The following LUC7L3 variants were observed in gnomAD, a reference collection of about 807,000 sequenced individuals.
LUC7L3 encodes the protein luc7-like protein 3.
Under a neutral mutation model 66.8 loss-of-function variants are expected in LUC7L3, and 6 were observed. The ratio of observed to expected loss-of-function variants is 0.09; its 90% CI spans 0.05 to 0.18. LUC7L3 has a LOEUF of 0.18. LUC7L3 is among the 10% of genes least tolerant of loss of function. The probability of loss-of-function intolerance (pLI) is 1.00; values close to 1 mark genes in which losing one functional copy is unlikely to be tolerated. For missense variants in LUC7L3, 341 were observed against 531.1 expected (o/e 0.64, Z 3.52); for synonymous variants, 160 against 174.7 (o/e 0.92, Z 0.66).
chr17:50,745,454 G>A (rs181298008), intron 7 of LUC7L3, among the ~76,000 whole-genome samples: 4 of 152,258 alleles, frequency 2.6e-5, no homozygotes, highest in Admixed American at 2.0e-4. Flanking sequence ...TTGAAGCATT[G>A]TGAGTTCTGT....
At chr17:50,734,475 T>G (rs971326864) in intron 1 of LUC7L3, among the ~76,000 whole-genome samples, 11 of 152,100 alleles carry the variant, frequency 7.2e-5, no homozygotes, top group African/African-American at 2.7e-4. Flanking sequence ...CCTTTAAAAC[T>G]TTTATTATGT....
chr17:50,727,494 A>G (rs1969271349), intron 1 of LUC7L3, among the ~76,000 whole-genome samples: 1 of 152,152 alleles, frequency 6.6e-6, no homozygotes, highest in African/African-American at 2.4e-5. Context: ...GACCAAAGAA[A>G]CCACATCCAA....
At chr17:50,746,347 C>T (rs1970666246) in intron 8 of LUC7L3, among the ~76,000 whole-genome samples, 195 bp from the exon 9 acceptor site, 1 of 152,114 alleles carries the variant, frequency 6.6e-6, no homozygotes, top group Non-Finnish European at 1.5e-5. Flanking sequence ...TTAAAGAGCA[C>T]AACGATAACC....
chr17:50,726,380 C>T lies in LUC7L3; in HGVS notation c.99+6549C>T, dbSNP rs143556237. 6.0e-3 allele frequency among the ~76,000 whole-genome samples: 911 copies of T among 152,206 alleles called. 5 individuals carry two copies. The highest frequency in any genetic ancestry group is 9.0e-3 in the Non-Finnish European group (614 of 68,004). On this transcript the variant is annotated intron_variant, in intron 1 of 9. Transcript: ENST00000505658. ...AGAGATGGGGTTTTGTCATGTTGGC[C>T]AGGCTGGGCTCGAACTCCTGGCCTT... is the stretch of plus-strand genomic sequence containing the variant.
intron 1 of LUC7L3, chr17:50,721,942 A>G (rs1006195952): frequency 3.3e-4 from 50 of 151,966 alleles, no homozygotes; most frequent in African/African-American, 1.2e-3. Flanking sequence ...ATACCAAAAT[A>G]AGGAAAGGAA....
chr17:50,740,325 T>C lies in LUC7L3; in HGVS notation c.186T>C (p.His62=). The C allele has an allele frequency of 6.2e-7, 1 of 1,607,830 alleles. No homozygotes were observed. The highest frequency in any genetic ancestry group is 1.1e-5 in the South Asian group (1 of 89,364). Residue 62 remains histidine (H), a synonymous_variant, in exon 3 of 10, where the codon CAT becomes CAC. Coordinates refer to ENST00000505658, the MANE Select transcript of LUC7L3 (RefSeq NM_016424.5). ...CCCCAGGTCCGTGTGAAAAAATTCA[T>C]GATGAAAATCTACGAAAACAGTAAG... ...RSDLGPCEKI[H]DENLRKQYEK...
intron 5 of LUC7L3, among the ~76,000 whole-genome samples, chr17:50,742,740 T>C (rs1471987149): frequency 6.6e-6 from 1 of 152,150 alleles, no homozygotes; most frequent in Non-Finnish European, 1.5e-5. Context: ...AAAACATATG[T>C]CTACACAAAG....
Position 50,751,825 on chromosome 17 carries a change from T to G in LUC7L3, c.*1164T>G, listed in dbSNP as rs879388929. ...AACTGATGCACTATATAGAACGAAT[T>G]TGGGTTTTTAAAGAAATATTAAAAG... On this transcript the variant is annotated 3_prime_UTR_variant, in exon 10 of 10. Coordinates refer to ENST00000505658, the MANE Select transcript of LUC7L3 (RefSeq NM_016424.5). 9.9e-7 allele frequency: 1 copy of G among 1,009,922 alleles called. No homozygotes were observed. Among genetic ancestry groups the G allele is most frequent in the Non-Finnish European group, 1.2e-6 (1 of 844,778 alleles). The allele number at this position is 1,009,922 out of a possible 1,614,324, so 62.6% of individuals were successfully genotyped here.
rs1237396295 is a variant in LUC7L3, at chr17:50,746,004, G to GTA, written c.977+8_977+9dup. 1 of 1,594,154 alleles carries GTA rather than the reference G, an allele frequency of 6.3e-7. No individual in the cohort carries two copies. The highest frequency in any genetic ancestry group is 2.2e-5 in the East Asian group (1 of 44,820). ...GAAGTAGAGAAAGAAGGCGGAGCAG[G>GTA]TATATATAAAACACCCTAAGACTGT... On this transcript the variant is annotated splice_donor_variant, in intron 8 of 9. Coordinates refer to ENST00000505658, the MANE Select transcript of LUC7L3 (RefSeq NM_016424.5). LOFTEE classifies it high-confidence loss of function.
intron 7 of LUC7L3, among the ~76,000 whole-genome samples, chr17:50,745,067 G>A (rs1597934757): frequency 6.6e-6 from 1 of 152,108 alleles, no homozygotes; most frequent in African/African-American, 2.4e-5. Flanking sequence ...TCGGCTCACC[G>A]CAACCTCCAC....
At chr17:50,727,067 T>A (rs1020703979) in intron 1 of LUC7L3, among the ~76,000 whole-genome samples, 1 of 152,168 alleles carries the variant, frequency 6.6e-6, no homozygotes, top group Non-Finnish European at 1.5e-5. Context: ...CCAGCCTGGC[T>A]GACAGAGCGA....
rs1415154644 is a variant in LUC7L3 at position 50,743,762 on chromosome 17, A to G, written c.483A>G (p.Leu161=). Residue 161 remains leucine (L), a synonymous_variant, in exon 6 of 10, where the codon TTA becomes TTG. Transcript: ENST00000505658. ...KVEEAQGMMK[L]VEQLKEEREL... ...AAGAAGCCCAGGGGATGATGAAATTAGTTGAGCAATTAAAAGAAGAGAGAG... is the reference window on the plus strand; with the variant it reads ...AAGAAGCCCAGGGGATGATGAAATTGGTTGAGCAATTAAAAGAAGAGAGAG... The G allele has an allele frequency of 6.2e-7, 1 of 1,613,900 alleles. No individual in the cohort carries two copies. Among genetic ancestry groups the G allele is most frequent in the Non-Finnish European group, 8.5e-7 (1 of 1,179,906 alleles).
intron 9 of LUC7L3, among the ~76,000 whole-genome samples, chr17:50,747,974 A>G (rs929206552): frequency 4.6e-5 from 7 of 152,266 alleles, no homozygotes; most frequent in Non-Finnish European, 7.3e-5. Flanking sequence ...CTTTCTGTGT[A>G]ATGTCTTTTT....
chr17:50,752,737 G>C lies in LUC7L3; in HGVS notation c.*2076G>C, dbSNP rs1435642156. 6.6e-6 allele frequency: 1 copy of C among 152,206 alleles called. No homozygotes were observed. The highest frequency in any genetic ancestry group is 1.5e-5 in the Non-Finnish European group (1 of 68,080). The allele number at this position is 152,206 out of a possible 1,614,324, so 9.4% of individuals were successfully genotyped here. On this transcript the variant is annotated 3_prime_UTR_variant, in exon 10 of 10. Transcript: ENST00000505658. ...CTAGTCCCCTGTTTTAAATACAAGA[G>C]TTACACTATTACTAGAGGTGTTGGT...
intron 6 of LUC7L3, among the ~76,000 whole-genome samples, chr17:50,744,039 A>G (rs1379301085): frequency 6.6e-6 from 1 of 152,250 alleles, no homozygotes; most frequent in African/African-American, 2.4e-5. Flanking sequence ...AATGTTAGCA[A>G]AAGGCCTCTC....
chr17:50,721,411 C>T (rs1968755167), intron 1 of LUC7L3, among the ~76,000 whole-genome samples: 1 of 152,084 alleles, frequency 6.6e-6, no homozygotes, highest in Admixed American at 6.6e-5. Context: ...AATGATGAGG[C>T]CCTCAGAATA....
chr17:50,728,589 G>C lies in LUC7L3; in HGVS notation c.100-8371G>C, dbSNP rs1437747010. ...TTTTTTGGAGACAGAGTCTTGATCTGTTGTCTAGGCCGGAGTGCAGTGGCG... is the reference window on the plus strand; with the variant it reads ...TTTTTTGGAGACAGAGTCTTGATCTCTTGTCTAGGCCGGAGTGCAGTGGCG... On this transcript the variant is annotated intron_variant, in intron 1 of 9. Transcript: ENST00000505658. 2.6e-5 allele frequency among the ~76,000 whole-genome samples: 4 copies of C among 152,250 alleles called. No individual in the cohort carries two copies. The South Asian group carries it at 8.3e-4, about 32-fold the overall frequency.
intron 2 of LUC7L3, among the ~76,000 whole-genome samples, chr17:50,739,794 A>C (rs1597922208): frequency 1.3e-5 from 2 of 152,228 alleles, no homozygotes; most frequent in African/African-American, 4.8e-5. Flanking sequence ...GATGTCTAGG[A>C]TTGATAAATA....
At chr17:50,721,037 G>A (rs1968712837) in intron 1 of LUC7L3, among the ~76,000 whole-genome samples, 1 of 151,982 alleles carries the variant, frequency 6.6e-6, no homozygotes, top group Non-Finnish European at 1.5e-5. Flanking sequence ...GGAGACTAAG[G>A]AACTGCTTAC....
Sources: allele counts gnomAD v4.1 joint callset (sites outside exome capture counted in the v4.1 genomes callset), GRCh38; gene constraint gnomAD v4.1.1; transcripts MANE v1.5; gene names NCBI Gene and HGNC (gene_info 2026-07-23, HGNC 2026-07-21).